Variants in HOOK3 observed in about 807,000 individuals in gnomAD.
HOOK3 encodes the protein hook microtubule tethering protein 3, also known as protein Hook homolog 3.
In HOOK3, 24 loss-of-function variants were observed where a neutral mutation model predicts 116.3. The observed-to-expected ratio is 0.21, with a 90% confidence interval of 0.15 to 0.29. The LOEUF is 0.29. Among genes scored for constraint, HOOK3 ranks in the 10% least tolerant of loss-of-function variants. The pLI, the probability that HOOK3 is intolerant of heterozygous loss-of-function variation, is 1.00. For missense variants in HOOK3, 632 were observed against 830.2 expected, an observed-to-expected ratio of 0.76 and a Z score of 2.93; for synonymous variants, 275 against 283.0, an observed-to-expected ratio of 0.97 and a Z score of 0.28.
rs1807393127 is a variant in HOOK3, at chr8:42,910,070, A to C, written c.143+3812A>C. Among the ~76,000 whole-genome samples, 3 of 152,238 alleles carry C rather than the reference A, an allele frequency of 2.0e-5. No homozygotes were observed. In the South Asian group the frequency reaches 6.2e-4, roughly 32 times the overall value. On this transcript the variant is annotated intron_variant, in intron 2 of 21. Coordinates refer to ENST00000307602, the MANE Select transcript of HOOK3 (RefSeq NM_032410.4). ...GTGTATTTTGCAATTCTGAGGGAGC[A>C]GATTTCAAATGTTCTCACCATAAAA... is the stretch of plus-strand genomic sequence containing the variant.
rs190707074 is a variant in HOOK3, at chr8:42,985,808, G to A, written c.1392-847G>A. 8.3e-4 allele frequency among the ~76,000 whole-genome samples: 126 copies of A among 151,678 alleles called. 2 individuals carry two copies. The highest frequency in any genetic ancestry group is 3.5e-3 in the Middle Eastern group (1 of 282). On this transcript the variant is annotated intron_variant, in intron 14 of 21. Transcript: ENST00000307602. ...AAATTCTAAATAGTTGCTTGAATTA[G>A]ATCACAGATTTGGTTCATCTTTTCA...
rs1040048159 is a variant in HOOK3 at position 42,958,480 on chromosome 8, G to A, written c.532-751G>A. ...GTTGAGAGTAAACAAATTTTTTAACGGTGCTGTACAAAATTAACATAAGGT... is the reference window on the plus strand; with the variant it reads ...GTTGAGAGTAAACAAATTTTTTAACAGTGCTGTACAAAATTAACATAAGGT... On this transcript the variant is annotated intron_variant, in intron 7 of 21. Coordinates refer to ENST00000307602, the MANE Select transcript of HOOK3 (RefSeq NM_032410.4). Among the ~76,000 whole-genome samples the A allele has an allele frequency of 2.6e-5, 4 of 151,636 alleles. No individual in the cohort carries two copies. The East Asian group carries it at 5.8e-4, about 22-fold the overall frequency.
At chr8:42,916,105 C>T (rs1389971312) in intron 2 of HOOK3, among the ~76,000 whole-genome samples, 1 of 152,194 alleles carries the variant, frequency 6.6e-6, no homozygotes, top group Non-Finnish European at 1.5e-5. Flanking sequence ...TCAGATGTTC[C>T]CTTCCCACTC....
rs36048747 is a variant in HOOK3, at chr8:42,992,399, C to CAA, written c.1533-5129_1533-5128dup. Among the ~76,000 whole-genome samples the CAA allele has an allele frequency of 2.7e-3, 103 of 38,588 alleles. 1 individual carries two copies. Among genetic ancestry groups the CAA allele is most frequent in the African/African-American group, 5.6e-3 (54 of 9,700 alleles). The allele number at this position is 38,588 out of a possible 152,430, so 25.3% of individuals were successfully genotyped here. On this transcript the variant is annotated intron_variant, in intron 15 of 21. Transcript: ENST00000307602. ...TGGGCGACAGAGTGAGACTCTGTCTCAAAAAAAAAAAAAAAAAAAAAAAGT... is the reference window on the plus strand; with the variant it reads ...TGGGCGACAGAGTGAGACTCTGTCTCAAAAAAAAAAAAAAAAAAAAAAAAAGT...
At chr8:42,940,690 T>C (rs981319579) in intron 4 of HOOK3, among the ~76,000 whole-genome samples, 5 of 152,242 alleles carry the variant, frequency 3.3e-5, no homozygotes, top group Non-Finnish European at 7.3e-5. Context: ...CATTTTTTTC[T>C]TCATTTCAAC....
At chr8:42,900,518 A>C (rs996107598) in intron 1 of HOOK3, among the ~76,000 whole-genome samples, 1 of 152,194 alleles carries the variant, frequency 6.6e-6, no homozygotes, top group African/African-American at 2.4e-5. Context: ...GCATACTAGT[A>C]TATAGAATTG....
chr8:43,017,588 C>T (rs75915472), intron 21 of HOOK3, among the ~76,000 whole-genome samples: 2,566 of 152,260 alleles, frequency 0.017, 26 homozygotes, highest in Middle Eastern at 0.027. Flanking sequence ...GGCTAGGATT[C>T]TTCATTGTCT....
At position 43,022,085 on chromosome 8, in the gene HOOK3, TAA is replaced by T. The variant is rs35656895; in HGVS notation, c.*3606_*3607del. The T allele has an allele frequency of 7.6e-3, 1,100 of 144,272 alleles. No homozygotes were observed. Among genetic ancestry groups the T allele is most frequent in the East Asian group, 0.023 (215 of 9,256 alleles). The allele number at this position is 144,272 out of a possible 1,614,324, so 8.9% of individuals were successfully genotyped here. ...TGTTTAAAAACAAAACAGGCTGTTG[TAA>T]AAAAAAAAAAAAAAAAAACTTCTGA... is the stretch of plus-strand genomic sequence containing the variant. On this transcript the variant is annotated 3_prime_UTR_variant, in exon 22 of 22. Transcript: ENST00000307602.
chr8:43,028,934 G>GTTCAGA lies in HOOK3; in HGVS notation c.*10440_*10441insGATTCA, dbSNP rs1809979484. 9.9e-6 allele frequency: 2 copies of GTTCAGA among 202,416 alleles called. No homozygotes were observed. The highest frequency in any genetic ancestry group is 6.0e-5 in the Admixed American group (1 of 16,724). The allele number at this position is 202,416 out of a possible 1,614,324, so 12.5% of individuals were successfully genotyped here. ...GCAAGTTATGATGATTCTTATTGTAGTTCAAGTACAGATGAGTAAGTGGTG... is the reference window on the plus strand; with the variant it reads ...GCAAGTTATGATGATTCTTATTGTAGTTCAGATTCAAGTACAGATGAGTAAGTGGTG... On this transcript the variant is annotated 3_prime_UTR_variant, in exon 22 of 22. Coordinates refer to ENST00000307602, the MANE Select transcript of HOOK3 (RefSeq NM_032410.4).
intron 15 of HOOK3, among the ~76,000 whole-genome samples, chr8:42,988,243 G>C (rs1299497759): frequency 6.6e-6 from 1 of 152,204 alleles, no homozygotes; most frequent in African/African-American, 2.4e-5. Flanking sequence ...TGGAGCGGAG[G>C]AGATTGCGGG....
intron 14 of HOOK3, among the ~76,000 whole-genome samples, chr8:42,984,626 G>C (rs1809015304): frequency 6.6e-6 from 1 of 152,170 alleles, no homozygotes; most frequent in African/African-American, 2.4e-5. Context: ...GATAGGCCAG[G>C]TGTGGTGGCT....
At chr8:42,967,860 G>A (rs1808660001) in intron 10 of HOOK3, among the ~76,000 whole-genome samples, 153 bp from the exon 11 acceptor site, 1 of 151,594 alleles carries the variant, frequency 6.6e-6, no homozygotes, top group Non-Finnish European at 1.5e-5. Context: ...TGTAACTTAG[G>A]TCATATTTGT....
chr8:42,939,262 A>C (rs1008566837), intron 4 of HOOK3, among the ~76,000 whole-genome samples: 12 of 151,726 alleles, frequency 7.9e-5, no homozygotes, highest in African/African-American at 1.9e-4. Flanking sequence ...GGTGGCCGGG[A>C]AGAGGGGCTC....
At chr8:43,009,165 G>A (rs1431558496) in intron 18 of HOOK3, among the ~76,000 whole-genome samples, 3 of 151,874 alleles carry the variant, frequency 2.0e-5, no homozygotes, top group Non-Finnish European at 4.4e-5. Flanking sequence ...ACTTATTTGG[G>A]AGGCCGAGGT....
rs189148205 is a variant in HOOK3 at position 43,023,678 on chromosome 8, C to A, written c.*5180C>A. 1 of 178,922 alleles carries A rather than the reference C, an allele frequency of 5.6e-6. No individual in the cohort carries two copies. Among genetic ancestry groups the A allele is most frequent in the Admixed American group, 6.3e-5 (1 of 15,874 alleles). 11.1% of individuals were successfully genotyped at this position (178,922 alleles called of 1,614,324 possible). ...GTTTCACCATGTTGGCCAGGCTGGTCTCTAACTCCTGACCTCAGGTGATCC... is the reference window on the plus strand; with the variant it reads ...GTTTCACCATGTTGGCCAGGCTGGTATCTAACTCCTGACCTCAGGTGATCC... On this transcript the variant is annotated 3_prime_UTR_variant, in exon 22 of 22. Coordinates refer to ENST00000307602, the MANE Select transcript of HOOK3 (RefSeq NM_032410.4).
chr8:42,931,815 C>T (rs995662639), intron 4 of HOOK3, among the ~76,000 whole-genome samples: 5 of 151,828 alleles, frequency 3.3e-5, no homozygotes, highest in East Asian at 1.9e-4. Context: ...AGTGCAGTAG[C>T]GCGATCTCAG....
Position 42,926,417 on chromosome 8 carries a change from C to T in HOOK3, c.216+788C>T, listed in dbSNP as rs962130027. 3.9e-5 allele frequency among the ~76,000 whole-genome samples: 6 copies of T among 152,210 alleles called. No individual in the cohort carries two copies. The East Asian group carries it at 5.8e-4, about 15-fold the overall frequency. On this transcript the variant is annotated intron_variant, in intron 3 of 21. Transcript: ENST00000307602. The stretch of plus-strand genomic sequence containing the variant: ...TCTCCTGCCTTAGCCTTCCAAGGAG[C>T]TTAGGATTACAGGCATCCGCCACCA...
At chr8:42,935,442 G>A (rs1807948970) in intron 4 of HOOK3, among the ~76,000 whole-genome samples, 1 of 152,158 alleles carries the variant, frequency 6.6e-6, no homozygotes. Flanking sequence ...TGCTTTTGGT[G>A]TTTTAGTCAT....
At chr8:42,973,065 C>G (rs749435224) in intron 11 of HOOK3, among the ~76,000 whole-genome samples, 2 of 152,106 alleles carry the variant, frequency 1.3e-5, no homozygotes, top group East Asian at 1.9e-4. Context: ...CCTATAGATT[C>G]GTTTATGATT....
Sources: gnomAD v4.1 joint callset for allele counts (sites outside exome capture counted in the v4.1 genomes callset) on GRCh38, gnomAD v4.1.1 for gene constraint, MANE v1.5 for transcripts, NCBI Gene and HGNC (gene_info 2026-07-23, HGNC 2026-07-21) for gene names.